The following LARP1 variants were observed in gnomAD, a reference collection of about 807,000 sequenced individuals.
LARP1 encodes La ribonucleoprotein 1, translational regulator.
LARP1 carries 36 observed loss-of-function variants against 122.7 expected under a neutral mutation model. The observed-to-expected ratio is 0.29, with a 90% CI of 0.22 to 0.39. The LOEUF is 0.39. Among genes scored for constraint, LARP1 ranks in the 10% least tolerant of loss-of-function variants. The pLI is 1.00. For synonymous variants in LARP1, 539 were observed against 528.7 expected (o/e 1.02, Z -0.27); for missense variants, 1,040 against 1,403.6 (o/e 0.74, Z 4.14).
chr5:154,779,441 G>T (rs981524439), intron 1 of LARP1, among the ~76,000 whole-genome samples: 3 of 151,520 alleles, frequency 2.0e-5, no homozygotes, highest in Admixed American at 6.6e-5. Context: ...TCTTAACTCC[G>T]TGGCATAGTA....
rs1350407665 is a variant in LARP1, at chr5:154,814,814, GTTTTA to G, written c.*728_*732del. ...TTACCAGGAAAGACTATTGAAAGAT[GTTTTA>G]TTTTATTTTTCTCTGACCTTTCCAT... On this transcript the variant is annotated 3_prime_UTR_variant, in exon 19 of 19. Transcript: ENST00000518297. 5 of 146,498 alleles carry G rather than the reference GTTTTA, an allele frequency of 3.4e-5. No homozygotes were observed. Among genetic ancestry groups the G allele is most frequent in the East Asian group, 2.2e-4 (1 of 4,572 alleles). The allele number at this position is 146,498 out of a possible 1,614,324, so 9.1% of individuals were successfully genotyped here. A position where few individuals can be genotyped will look rare whatever the true frequency, so the allele number is the denominator to read the frequency against.
At position 154,799,920 on chromosome 5, in the gene LARP1, A is replaced by T. The variant is rs1335131395; in HGVS notation, c.1594A>T (p.Thr532Ser). 2.5e-6 allele frequency: 4 copies of T among 1,614,096 alleles called. No individual in the cohort carries two copies. In the East Asian group the frequency reaches 6.7e-5, roughly 27 times the overall value. ...PRAVTPVPTKTEEVSNLKTLP... is the reference protein window; with the variant it reads ...PRAVTPVPTKSEEVSNLKTLP... ...TGCAGTCACCCCAGTGCCAACCAAA[A>T]CAGAGGAGGTCAGCAACCTAAAGAC... The change falls in exon 10 of 19, where the codon ACA becomes TCA. Residue 532 changes from threonine (T) to serine (S), a missense_variant. Physicochemically the swap from Thr to Ser is moderately conservative, Grantham distance 58. Around this residue, in one of 8 missense-constraint regions of LARP1, gnomAD observed 362 missense variants for 533.1 expected, o/e 0.68. Transcript: ENST00000518297.
At chr5:154,730,863 CTTTTTTTTT>C (rs60848864) in intron 1 of LARP1, among the ~76,000 whole-genome samples, 1 of 127,786 alleles carries the variant, frequency 7.8e-6, no homozygotes, top group African/African-American at 2.9e-5. Flanking sequence ...ACCATTCTGA[CTTTTTTTTT>C]TTTTTTTTTT....
rs1759672508 is a variant in LARP1, at chr5:154,816,441, C to G, written c.*2345C>G. The G allele has an allele frequency of 6.5e-6, 1 of 152,718 alleles. No homozygotes were observed. Among genetic ancestry groups the G allele is most frequent in the South Asian group, 2.1e-4 (1 of 4,838 alleles). 9.5% of individuals were successfully genotyped at this position (152,718 alleles called of 1,614,324 possible). On this transcript the variant is annotated 3_prime_UTR_variant, in exon 19 of 19. Coordinates refer to ENST00000518297, the MANE Select transcript of LARP1 (RefSeq NM_033551.3). Reference sequence around the variant, plus strand: ...GGCTGCCATCTTCTTCACAGACATCCCTGAAAGGAAGCCCCTTTGGGGCAG... The same window carrying G: ...GGCTGCCATCTTCTTCACAGACATCGCTGAAAGGAAGCCCCTTTGGGGCAG...
chr5:154,765,980 A>T (rs1482815920), intron 1 of LARP1, among the ~76,000 whole-genome samples: 4 of 151,934 alleles, frequency 2.6e-5, no homozygotes, highest in African/African-American at 9.7e-5. Flanking sequence ...ATCCCAAAGT[A>T]TGGAATTCTT....
At chr5:154,724,492 A>C (rs923612308) in intron 1 of LARP1, among the ~76,000 whole-genome samples, 2 of 152,198 alleles carry the variant, frequency 1.3e-5, no homozygotes, top group Non-Finnish European at 2.9e-5. Flanking sequence ...GCTGTTATCC[A>C]TTTGTTTAAA....
chr5:154,696,283 G>A (rs981972326), intron 1 of LARP1, among the ~76,000 whole-genome samples: 7 of 152,120 alleles, frequency 4.6e-5, no homozygotes, highest in South Asian at 2.1e-4. Context: ...CTTGAGCCTG[G>A]GAGGTTGAGG....
chr5:154,783,449 G>A (rs1175483608), intron 1 of LARP1, among the ~76,000 whole-genome samples: 2 of 152,174 alleles, frequency 1.3e-5, no homozygotes, highest in African/African-American at 4.8e-5. Flanking sequence ...TCCCCAGTAT[G>A]TAGAATGATG....
In LARP1 at chr5:154,791,134, G is replaced by GTT. The variant is rs778607471; in HGVS notation, c.564+441_564+442dup. ...GCCCGGCCTCTCAGTGTTTTTTGTT[G>GTT]TTTTTTTTTTTTTTTTTTGAGATGG... On this transcript the variant is annotated intron_variant, in intron 3 of 18. Transcript: ENST00000518297. 2.6e-3 allele frequency among the ~76,000 whole-genome samples: 297 copies of GTT among 116,270 alleles called. 4 individuals are homozygous for GTT. The highest frequency in any genetic ancestry group is 7.9e-3 in the African/African-American group (244 of 30,902). 76.3% of individuals were successfully genotyped at this position (116,270 alleles called of 152,430 possible).
chr5:154,783,874 C>G (rs950496245), intron 1 of LARP1, among the ~76,000 whole-genome samples: 2 of 152,182 alleles, frequency 1.3e-5, no homozygotes, highest in South Asian at 4.1e-4. Context: ...GTTCTCACAC[C>G]TGTAGACCCA....
In LARP1 at chr5:154,796,337, C is replaced by T. The variant is rs1757850499; in HGVS notation, c.1377+1018C>T. Among the ~76,000 whole-genome samples the T allele has an allele frequency of 4.0e-5, 6 of 150,534 alleles. No individual in the cohort carries two copies. The South Asian group carries it at 1.2e-3, about 31-fold the overall frequency. On this transcript the variant is annotated intron_variant, in intron 8 of 18. Transcript: ENST00000518297. ...TTCAAGATTAGCCTGGGTAACATAG[C>T]AGGACCCTGTCTCTACAAAAAACTA...
At chr5:154,743,220 G>A (rs1753000604) in intron 1 of LARP1, among the ~76,000 whole-genome samples, 1 of 151,788 alleles carries the variant, frequency 6.6e-6, no homozygotes, top group Non-Finnish European at 1.5e-5. Context: ...CACAGCCCCT[G>A]GTTCATAATG....
At chr5:154,806,737 C>T (rs934509622) in intron 15 of LARP1, among the ~76,000 whole-genome samples, 2 of 152,166 alleles carry the variant, frequency 1.3e-5, no homozygotes, top group African/African-American at 2.4e-5. Flanking sequence ...TTCAACAAAA[C>T]GTGGTTGCTA....
intron 1 of LARP1, among the ~76,000 whole-genome samples, chr5:154,762,917 G>GCT (rs1175663391): frequency 6.6e-6 from 1 of 152,108 alleles, no homozygotes. Flanking sequence ...TATGGTTTTT[G>GCT]CTCTGCTTTT....
In LARP1 at chr5:154,814,607, C is replaced by G. The variant is rs188603327; in HGVS notation, c.*511C>G. On this transcript the variant is annotated 3_prime_UTR_variant, in exon 19 of 19. Coordinates refer to ENST00000518297, the MANE Select transcript of LARP1 (RefSeq NM_033551.3). The stretch of plus-strand genomic sequence containing the variant: ...CTCTGGGCCCCAGGAGCATCAGCCC[C>G]TTGATCATCTGGGGTTTGTCATCAC... 11 of 152,594 alleles carry G rather than the reference C, an allele frequency of 7.2e-5. No homozygotes were observed. The highest frequency in any genetic ancestry group is 1.2e-4 in the African/African-American group (5 of 41,400). 9.5% of individuals were successfully genotyped at this position (152,594 alleles called of 1,614,324 possible).
At chr5:154,809,611 T>C (rs1269832653) in intron 16 of LARP1, among the ~76,000 whole-genome samples, 1 of 152,122 alleles carries the variant, frequency 6.6e-6, no homozygotes, top group Non-Finnish European at 1.5e-5. Context: ...TCATTCTACG[T>C]CTAACATGTT....
upstream of LARP1, chr5:154,712,825 A>C (rs1755282552): frequency 2.8e-6 from 3 of 1,067,088 alleles, no homozygotes; most frequent in African/African-American, 4.8e-5. Context: ...CTAGCCTGGC[A>C]ACCTGGAGAG....
At chr5:154,795,869 A>G (rs1757717671) in intron 8 of LARP1, among the ~76,000 whole-genome samples, 1 of 132,414 alleles carries the variant, frequency 7.6e-6, no homozygotes, top group African/African-American at 2.8e-5. Context: ...ATATACATTT[A>G]TATATAAAAT....
In LARP1 at chr5:154,817,296, G is replaced by T. The variant is rs1442479616; in HGVS notation, c.*3200G>T. On this transcript the variant is annotated 3_prime_UTR_variant, in exon 19 of 19. Transcript: ENST00000518297. ...GCCATGCTGATGGCAGAGAAGATAA[G>T]AACTTGGAGCCCATTTCTCACTGGA... 1 of 152,506 alleles carries T rather than the reference G, an allele frequency of 6.6e-6. No homozygotes were observed. Among genetic ancestry groups the T allele is most frequent in the African/African-American group, 2.4e-5 (1 of 41,432 alleles). 9.4% of individuals were successfully genotyped at this position (152,506 alleles called of 1,614,324 possible). A position where few individuals can be genotyped will look rare whatever the true frequency, so the allele number is the denominator to read the frequency against.
Sources: allele counts gnomAD v4.1 joint callset (sites outside exome capture counted in the v4.1 genomes callset), GRCh38; gene constraint gnomAD v4.1.1; regional missense constraint gnomAD v4.1.1; transcripts MANE v1.5; gene names NCBI Gene and HGNC (gene_info 2026-07-23, HGNC 2026-07-21).